PAN3: variants seen among roughly 807,000 people sequenced by gnomAD.
The protein encoded by PAN3 is poly(A) specific ribonuclease subunit PAN3.
Under a neutral mutation model 96.2 loss-of-function variants are expected in PAN3, and 19 were observed. The observed-to-expected ratio is 0.20, with a 90% confidence interval of 0.14 to 0.29. PAN3 has a LOEUF of 0.29. PAN3 is among the 10% of genes least tolerant of loss of function. The pLI, the probability that PAN3 is intolerant of heterozygous loss-of-function variation, is 1.00. For synonymous variants in PAN3, 433 were observed against 406.6 expected (o/e 1.06, Z -0.78); for missense variants, 882 against 1,108.1 (o/e 0.80, Z 2.90).
chr13:28,212,241 A>T (rs1334184633), intron 5 of PAN3, among the ~76,000 whole-genome samples: 5 of 152,210 alleles, frequency 3.3e-5, no homozygotes, highest in African/African-American at 2.4e-5. Context: ...AAGTAAGGCT[A>T]ATTGGAAGCC....
intron 12 of PAN3, among the ~76,000 whole-genome samples, chr13:28,268,474 A>G (rs886585465): frequency 2.6e-5 from 4 of 152,172 alleles, no homozygotes; most frequent in Admixed American, 1.3e-4. Context: ...CCTTTCTAAT[A>G]TATACTTAAA....
chr13:28,146,713 C>G (rs558700288), intron 1 of PAN3, among the ~76,000 whole-genome samples: 32 of 152,258 alleles, frequency 2.1e-4, no homozygotes, highest in African/African-American at 7.5e-4. Context: ...CGCAGTGGCT[C>G]ACACCTGTAA....
chr13:28,146,037 A>T (rs942984892), intron 1 of PAN3, among the ~76,000 whole-genome samples: 2 of 152,090 alleles, frequency 1.3e-5, no homozygotes, highest in Non-Finnish European at 2.9e-5. Context: ...CTGGGATTGC[A>T]GGTGTGAGTC....
intron 1 of PAN3, among the ~76,000 whole-genome samples, chr13:28,160,196 C>T (rs1444815196): frequency 1.3e-5 from 2 of 152,142 alleles, no homozygotes; most frequent in Admixed American, 1.3e-4. Flanking sequence ...CCTGCGTCCC[C>T]CTCCCAAAGT....
intron 7 of PAN3, among the ~76,000 whole-genome samples, chr13:28,257,650 CATATATATTTT>C (rs1458362331): frequency 1.5e-5 from 2 of 135,576 alleles, no homozygotes; most frequent in Admixed American, 1.6e-4. Context: ...TTGTAAAATA[CATATATATTTT>C]ATATATATGT....
intron 15 of PAN3, 124 bp downstream of exon 15, chr13:28,277,500 C>T: frequency 1.1e-6 from 1 of 940,608 alleles, no homozygotes; most frequent in African/African-American, 1.7e-5. Context: ...AACTTTATGT[C>T]TTTATTTTTA....
intron 6 of PAN3, among the ~76,000 whole-genome samples, chr13:28,224,811 A>G (rs1273201127): frequency 1.3e-5 from 2 of 152,064 alleles, no homozygotes; most frequent in African/African-American, 4.8e-5. Context: ...TTTTGTAGAG[A>G]CGAGTTCTCA....
chr13:28,186,566 T>C (rs1233541295), intron 4 of PAN3, among the ~76,000 whole-genome samples: 6 of 152,260 alleles, frequency 3.9e-5, no homozygotes, highest in Admixed American at 6.5e-5. Context: ...TATCTAATTA[T>C]GTACAAGACG....
At chr13:28,143,181 T>A (rs955680849) in intron 1 of PAN3, among the ~76,000 whole-genome samples, 2 of 152,116 alleles carry the variant, frequency 1.3e-5, no homozygotes, top group Non-Finnish European at 2.9e-5. Flanking sequence ...CTCCAACTCC[T>A]GGGCTCAAGT....
chr13:28,224,717 G>A (rs375848431), intron 6 of PAN3, among the ~76,000 whole-genome samples: 1 of 152,000 alleles, frequency 6.6e-6, no homozygotes, highest in Non-Finnish European at 1.5e-5. Context: ...TTCCAGCTCC[G>A]GCGCAAGCAA....
chr13:28,243,510 T>G (rs977404155), intron 6 of PAN3, among the ~76,000 whole-genome samples: 3 of 152,226 alleles, frequency 2.0e-5, no homozygotes, highest in Admixed American at 1.3e-4. Context: ...ATGAAAATGT[T>G]TTAATTGGTA....
rs1220120635 is a variant in PAN3, at chr13:28,259,170, C to G, written c.1249-1277C>G. On this transcript the variant is annotated intron_variant, in intron 7 of 18. Transcript: ENST00000380958. ...TGAGACAGAGTCTTCCCCTGTCCCC[C>G]AGGCTGGAGTGCAGTGGCACGATCT... Among the ~76,000 whole-genome samples, 9 of 152,102 alleles carry G rather than the reference C, an allele frequency of 5.9e-5. No homozygotes were observed. In the East Asian group the frequency reaches 1.5e-3, roughly 26 times the overall value.
intron 6 of PAN3, among the ~76,000 whole-genome samples, chr13:28,225,995 C>G (rs867482832): frequency 2.6e-5 from 4 of 152,182 alleles, no homozygotes; most frequent in Non-Finnish European, 5.9e-5. Context: ...AGCTATATTA[C>G]TACTTTGGTA....
rs528991460 is a variant in PAN3, at chr13:28,213,205, T to C, written c.853-7026T>C. Among the ~76,000 whole-genome samples, 45 of 152,316 alleles carry C rather than the reference T, an allele frequency of 3.0e-4. No homozygotes were observed. In the South Asian group the frequency reaches 6.6e-3, roughly 22 times the overall value. The stretch of plus-strand genomic sequence containing the variant: ...AATAAAGAATGCCATATAACATTTA[T>C]ATTTCATTAGGTATAAGTAATCTAG... On this transcript the variant is annotated intron_variant, in intron 5 of 18. Coordinates refer to ENST00000380958, the MANE Select transcript of PAN3 (RefSeq NM_175854.8).
chr13:28,234,068 G>C (rs1882854816), intron 6 of PAN3, among the ~76,000 whole-genome samples: 1 of 152,074 alleles, frequency 6.6e-6, no homozygotes, highest in East Asian at 1.9e-4. Context: ...TTCAGGTATT[G>C]TGATGTCAAT....
At chr13:28,263,673 C>T (rs2138632249) in intron 9 of PAN3, among the ~76,000 whole-genome samples, 1 of 152,212 alleles carries the variant, frequency 6.6e-6, no homozygotes, top group South Asian at 2.1e-4. Context: ...AAAATTGGGT[C>T]ATTATCTCAA....
chr13:28,273,016 A>C (rs1214332146), intron 14 of PAN3, among the ~76,000 whole-genome samples: 1 of 152,192 alleles, frequency 6.6e-6, no homozygotes, highest in East Asian at 1.9e-4. Context: ...TCACTCCTTT[A>C]ATTACACCTA....
intron 4 of PAN3, among the ~76,000 whole-genome samples, chr13:28,178,413 T>A (rs1369237946): frequency 6.6e-6 from 1 of 152,156 alleles, no homozygotes. Flanking sequence ...CATTAGAAAT[T>A]TAATTTTATT....
At chr13:28,156,615 A>T (rs1179762523) in intron 1 of PAN3, among the ~76,000 whole-genome samples, 2 of 152,098 alleles carry the variant, frequency 1.3e-5, no homozygotes, top group Non-Finnish European at 2.9e-5. Flanking sequence ...AAAAACGAAA[A>T]CTTCAGGCCA....
Sources: allele counts gnomAD v4.1 joint callset (sites outside exome capture counted in the v4.1 genomes callset), GRCh38; gene constraint gnomAD v4.1.1; transcripts MANE v1.5; gene names NCBI Gene and HGNC (gene_info 2026-07-23, HGNC 2026-07-21).